MTERF2: variants seen among roughly 807,000 people sequenced by gnomAD.
The protein encoded by MTERF2 is mitochondrial transcription termination factor 2, also known as transcription termination factor 2, mitochondrial.
In MTERF2, 23 loss-of-function variants were observed where a neutral mutation model predicts 29.2. The ratio of observed to expected loss-of-function variants is 0.79; its 90% CI spans 0.57 to 1.12. The LOEUF (loss-of-function observed/expected upper bound fraction) is 1.12, where lower values mean the gene tolerates loss of function less well. Among genes scored for constraint, MTERF2 ranks in the 50% most tolerant of loss-of-function variants. MTERF2 has a pLI of 0.00. For missense variants in MTERF2, 440 were observed against 429.4 expected, an observed-to-expected ratio of 1.02 and a Z score of -0.22; for synonymous variants, 157 against 159.5, an observed-to-expected ratio of 0.98 and a Z score of 0.12.
rs138287331 is a variant in MTERF2 at position 106,978,385 on chromosome 12, G to A, written c.330C>T (p.Thr110=). 37 of 1,614,044 alleles carry A rather than the reference G, an allele frequency of 2.3e-5. No homozygotes were observed. The highest frequency in any genetic ancestry group is 1.1e-4 in the East Asian group (5 of 44,902). The stretch of plus-strand genomic sequence containing the variant: ...AGAGTTTTCTCTGGGTGTTAACAGC[G>A]GTTGGACTACAGACAATTGCTTCCG... ...RCPEAIVCSP[T]AVNTQRKLWQ... The change falls in exon 3 of 3, where the codon ACC becomes ACT. Residue 110 remains threonine, a synonymous_variant. Transcript: ENST00000240050.
intron 2 of MTERF2, among the ~76,000 whole-genome samples, chr12:106,983,897 C>G (rs190083955): frequency 6.6e-6 from 1 of 152,320 alleles, no homozygotes; most frequent in African/African-American, 2.4e-5. Flanking sequence ...CAAACCAGCT[C>G]TGGTTGACTC....
In MTERF2 at chr12:106,980,483, CAGAA is replaced by C. The variant is rs369017863; in HGVS notation, c.-57-1716_-57-1713del. On this transcript the variant is annotated intron_variant, in intron 2 of 2. Coordinates refer to ENST00000240050, the MANE Select transcript of MTERF2 (RefSeq NM_001033050.3). ...GGGAATTTTATCTGCTTTTAAGAAA[CAGAA>C]AGAAAGATCTTACACCTGCTATTTT... 3.9e-4 allele frequency: 60 copies of C among 152,240 alleles called. 2 individuals carry two copies. In the East Asian group the frequency reaches 4.6e-3, roughly 12 times the overall value. The allele number at this position is 152,240 out of a possible 1,614,324, so 9.4% of individuals were successfully genotyped here.
chr12:106,983,577 A>C (rs995560203), intron 2 of MTERF2, among the ~76,000 whole-genome samples: 1 of 152,224 alleles, frequency 6.6e-6, no homozygotes, highest in South Asian at 2.1e-4. Context: ...GTAAAAATTC[A>C]TCCATTATTT....
At chr12:106,979,855 T>A (rs1952035465) in intron 2 of MTERF2, among the ~76,000 whole-genome samples, 1 of 152,142 alleles carries the variant, frequency 6.6e-6, no homozygotes, top group Non-Finnish European at 1.5e-5. Context: ...ACCCGAGAAT[T>A]AGACATAAGA....
rs1447091666 is a variant in MTERF2, at chr12:106,985,125, C to G, written c.-68G>C. 6.6e-6 allele frequency: 1 copy of G among 152,340 alleles called. No homozygotes were observed. Among genetic ancestry groups the G allele is most frequent in the Non-Finnish European group, 1.5e-5 (1 of 68,114 alleles). 9.4% of individuals were successfully genotyped at this position (152,340 alleles called of 1,614,324 possible). A position where few individuals can be genotyped will look rare whatever the true frequency, so the allele number is the denominator to read the frequency against. ...CTCTCTTCTTCTTACCTTACAGTCT[C>G]TCCCCACAGATCTTGTCCTCATCCA... is the stretch of plus-strand genomic sequence containing the variant. On this transcript the variant is annotated 5_prime_UTR_variant, in exon 2 of 3. Coordinates refer to ENST00000240050, the MANE Select transcript of MTERF2 (RefSeq NM_001033050.3).
At chr12:106,986,668 T>C (rs895026712) in intron 1 of MTERF2, 2 of 152,218 alleles carry the variant, frequency 1.3e-5, no homozygotes, top group African/African-American at 2.4e-5. Flanking sequence ...TACACAGTTA[T>C]GGTTAGTATG....
chr12:106,983,552 A>C (rs1952076285), intron 2 of MTERF2, among the ~76,000 whole-genome samples: 1 of 152,242 alleles, frequency 6.6e-6, no homozygotes, highest in African/African-American at 2.4e-5. Context: ...ACTGCTTTTA[A>C]GTACCAGATG....
intron 2 of MTERF2, 84 bp downstream of exon 2, chr12:106,985,031 C>CTT (rs1261810532): frequency 6.6e-6 from 1 of 152,252 alleles, no homozygotes; most frequent in Non-Finnish European, 1.5e-5. Context: ...ATTCTTCTCC[C>CTT]TTTCTATACT....
Position 106,977,481 on chromosome 12 carries a change from C to A in MTERF2, c.*76G>T, listed in dbSNP as rs1303273861. ...AGGTTCTTAAAATTACTGGTGTCTA[C>A]AAACTGCCTGAATTTTTGTCTTTGC... On this transcript the variant is annotated 3_prime_UTR_variant, in exon 3 of 3. Transcript: ENST00000240050. 1 of 1,408,588 alleles carries A rather than the reference C, an allele frequency of 7.1e-7. No homozygotes were observed. Among genetic ancestry groups the A allele is most frequent in the East Asian group, 2.3e-5 (1 of 43,666 alleles). The allele number at this position is 1,408,588 out of a possible 1,614,324, so 87.3% of individuals were successfully genotyped here.
intron 2 of MTERF2, among the ~76,000 whole-genome samples, chr12:106,979,717 C>G (rs114948833): frequency 0.019 from 2,875 of 152,234 alleles, 97 homozygotes; most frequent in African/African-American, 0.066. Flanking sequence ...ACTTTCAGAA[C>G]AGTGTAATCA....
chr12:106,980,684 G>A (rs764601315), intron 2 of MTERF2: 1 of 152,282 alleles, frequency 6.6e-6, no homozygotes, highest in South Asian at 2.1e-4. Context: ...AATTTAGCCT[G>A]TTGGCAGCCT....
At chr12:106,981,712 G>C (rs1478480150) in intron 2 of MTERF2, among the ~76,000 whole-genome samples, 5 of 151,972 alleles carry the variant, frequency 3.3e-5, no homozygotes, top group Non-Finnish European at 7.4e-5. Flanking sequence ...GTAGAGACAG[G>C]GTTTTGCCAT....
chr12:106,980,339 G>C (rs1952041316), intron 2 of MTERF2, among the ~76,000 whole-genome samples: 1 of 152,166 alleles, frequency 6.6e-6, no homozygotes, highest in Non-Finnish European at 1.5e-5. Flanking sequence ...AATTACATGG[G>C]GAGGTCTAAA....
rs576852710 is a variant in MTERF2 at position 106,984,494 on chromosome 12, C to T, written c.-58+621G>A. ...CTGCTCTTGAACTCCTGAGCTCAAG[C>T]GATCTGCCCACCTTGGCATCCCAAA... On this transcript the variant is annotated intron_variant, in intron 2 of 2. Coordinates refer to ENST00000240050, the MANE Select transcript of MTERF2 (RefSeq NM_001033050.3). 5.3e-5 allele frequency among the ~76,000 whole-genome samples: 8 copies of T among 152,214 alleles called. No homozygotes were observed. The South Asian group carries it at 1.2e-3, about 24-fold the overall frequency.
intron 2 of MTERF2, among the ~76,000 whole-genome samples, chr12:106,981,846 G>C (rs549684530): frequency 1.3e-5 from 2 of 152,112 alleles, no homozygotes; most frequent in African/African-American, 4.8e-5. Context: ...AAATGCTTCT[G>C]TTTCCCAAAA....
chr12:106,979,498 G>C (rs1952029784), intron 2 of MTERF2, among the ~76,000 whole-genome samples: 1 of 152,166 alleles, frequency 6.6e-6, no homozygotes, highest in Non-Finnish European at 1.5e-5. Flanking sequence ...CCAGCACTTT[G>C]GGAGGCTAAG....
intron 2 of MTERF2, among the ~76,000 whole-genome samples, chr12:106,981,225 C>A (rs971925623): frequency 3.9e-5 from 6 of 152,142 alleles, no homozygotes; most frequent in African/African-American, 1.4e-4. Flanking sequence ...TATGGGGCAC[C>A]CTTGGGTAAG....
In MTERF2 at chr12:106,977,991, A is replaced by C. The variant is rs377555770; in HGVS notation, c.724T>G (p.Phe242Val). The C allele has an allele frequency of 3.1e-6, 5 of 1,614,074 alleles. No homozygotes were observed. The African/African-American group carries it at 4.0e-5, about 13-fold the overall frequency. ...EFLQEQGFTS[F>V]EILQLLSKLK... ...TTGGATAGAAGCTGGAGAATTTCAA[A>C]GCTGGTGAAACCTTGCTCCTGGAGA... The change falls in exon 3 of 3, where the codon TTT becomes GTT. Residue 242 changes from phenylalanine to valine, a missense_variant. By Grantham distance (50) the Phe-to-Val change is conservative. Coordinates refer to ENST00000240050, the MANE Select transcript of MTERF2 (RefSeq NM_001033050.3).
In MTERF2 at chr12:106,978,352, C is replaced by T. The variant is rs766488333; in HGVS notation, c.363G>A (p.Leu121=). The change falls in exon 3 of 3, where the codon TTG becomes TTA. Residue 121 remains leucine (L), a synonymous_variant. Transcript: ENST00000240050. ...TTAACTCTTCCTCATTTTTGCAGACCAACTGCCAGAGTTTTCTCTGGGTGT... is the reference window on the plus strand; with the variant it reads ...TTAACTCTTCCTCATTTTTGCAGACTAACTGCCAGAGTTTTCTCTGGGTGT... The part of the protein sequence containing the change: ...AVNTQRKLWQ[L]VCKNEEELIK... 1.3e-5 allele frequency: 21 copies of T among 1,613,824 alleles called. No individual in the cohort carries two copies. The highest frequency in any genetic ancestry group is 1.7e-5 in the Non-Finnish European group (20 of 1,180,002).
Sources: gnomAD v4.1 joint callset for allele counts (sites outside exome capture counted in the v4.1 genomes callset) on GRCh38, gnomAD v4.1.1 for gene constraint, MANE v1.5 for transcripts, NCBI Gene and HGNC (gene_info 2026-07-23, HGNC 2026-07-21) for gene names.